The following GUCY2F variants were observed in gnomAD, a reference collection of about 807,000 sequenced individuals.
GUCY2F encodes retinal guanylyl cyclase 2.
GUCY2F carries 61 observed loss-of-function variants against 73.1 expected under a neutral mutation model. That is an observed-to-expected ratio of 0.83 (90% CI 0.68 to 1.03). The LOEUF is 1.03. Among genes scored for constraint, GUCY2F ranks in the 50% least tolerant of loss-of-function variants. GUCY2F has a pLI of 0.00. For missense variants in GUCY2F, 912 were observed against 854.3 expected (o/e 1.07, Z -0.84); for synonymous variants, 331 against 307.8 (o/e 1.08, Z -0.79).
intron 1 of GUCY2F, among the ~76,000 whole-genome samples, chrX:109,479,728 CCT>C (rs2147287451): frequency 9.0e-6 from 1 of 111,625 alleles, no homozygotes; most frequent in Non-Finnish European, 1.9e-5. Context: ...GGCCTGGAAT[CCT>C]CTGTCAAGCT....
At chrX:109,387,413 C>T (rs937930480) in intron 15 of GUCY2F, among the ~76,000 whole-genome samples, 4 of 111,643 alleles carry the variant, frequency 3.6e-5, no homozygotes, top group Admixed American at 1.9e-4. Context: ...TTAGATGTGT[C>T]GAGTCTAAGG....
intron 6 of GUCY2F, among the ~76,000 whole-genome samples, chrX:109,443,729 T>C (rs1022577952): frequency 8.9e-6 from 1 of 112,232 alleles, no homozygotes; most frequent in Non-Finnish European, 1.9e-5. Flanking sequence ...CATTTTGATA[T>C]GTTAGAGCTA....
chrX:109,479,906 G>T (rs1327516046), intron 1 of GUCY2F, among the ~76,000 whole-genome samples: 1 of 111,319 alleles, frequency 9.0e-6, no homozygotes, highest in Non-Finnish European at 1.9e-5. Flanking sequence ...AGAGTATAAG[G>T]GCCTGGCCAA....
At chrX:109,465,015 T>G (rs1932434816) in intron 3 of GUCY2F, 127 bp downstream of exon 3, 1 of 486,837 alleles carries the variant, frequency 2.1e-6, no homozygotes, top group Admixed American at 3.5e-5. Context: ...AAGATGTTTT[T>G]AATTTGTCTG....
intron 2 of GUCY2F, among the ~76,000 whole-genome samples, chrX:109,467,333 C>A (rs1441324961): frequency 8.9e-6 from 1 of 111,971 alleles, no homozygotes; most frequent in Non-Finnish European, 1.9e-5. Context: ...TCAGAGGCTT[C>A]GGTTGGCCAG....
chrX:109,417,709 G>A (rs1265087131), intron 8 of GUCY2F, among the ~76,000 whole-genome samples: 1 of 110,652 alleles, frequency 9.0e-6, no homozygotes, highest in African/African-American at 3.3e-5. Flanking sequence ...GCAGAATGGG[G>A]AGATAAAAAG....
chrX:109,477,897 A>T (rs1355213657), intron 1 of GUCY2F, among the ~76,000 whole-genome samples: 2 of 111,879 alleles, frequency 1.8e-5, no homozygotes, highest in Non-Finnish European at 3.8e-5. Context: ...CACAAATAGT[A>T]TGCCCCAACA....
chrX:109,411,815 A>T (rs1931117902), intron 8 of GUCY2F, among the ~76,000 whole-genome samples: 2 of 112,352 alleles, frequency 1.8e-5, no homozygotes, highest in Admixed American at 9.4e-5. Flanking sequence ...AACAAATGAG[A>T]TTACCCAAGG....
chrX:109,398,846 G>T (rs1930773181), intron 10 of GUCY2F, 148 bp from the exon 11 acceptor site: 2 of 478,667 alleles, frequency 4.2e-6, no homozygotes, highest in African/African-American at 2.4e-5. Flanking sequence ...ATCCCCCAGG[G>T]TCTGAATCTA....
Position 109,382,170 on chromosome X carries a change from T to A in GUCY2F, c.3098A>T (p.Gln1033Leu). ...CACTTCATAGCCCTCACTCAGATTT[T>A]GAAGAATTGTAACAGTGCTGAGACT... ...HVSLSTVTIL[Q>L]NLSEGYEVEL... The change falls in exon 17 of 20, where the codon CAA (glutamine) becomes CTA (leucine). Residue 1033 changes from glutamine to leucine, a missense_variant. Coordinates refer to ENST00000218006, the MANE Select transcript of GUCY2F (RefSeq NM_001522.3). The A allele has an allele frequency of 8.4e-7, 1 of 1,188,079 alleles. No homozygotes were observed. The highest frequency in any genetic ancestry group is 1.8e-5 in the South Asian group (1 of 56,326).
intron 14 of GUCY2F, 134 bp downstream of exon 14, chrX:109,391,776 AG>A: frequency 5.6e-6 from 2 of 356,999 alleles, no homozygotes; most frequent in Non-Finnish European, 9.7e-6. Flanking sequence ...TACCAATGGA[AG>A]GGGTGTACTA....
chrX:109,393,732 C>T (rs1603379596), intron 12 of GUCY2F, among the ~76,000 whole-genome samples: 1 of 111,972 alleles, frequency 8.9e-6, no homozygotes, highest in Non-Finnish European at 1.9e-5. Context: ...TTCAATACGC[C>T]TTTTTGGGAC....
At chrX:109,440,731 T>C (rs1931848594) in intron 7 of GUCY2F, among the ~76,000 whole-genome samples, 1 of 112,244 alleles carries the variant, frequency 8.9e-6, no homozygotes, top group South Asian at 3.7e-4. Flanking sequence ...GCAAGATTTG[T>C]TCTGGTTGCC....
intron 8 of GUCY2F, among the ~76,000 whole-genome samples, chrX:109,417,563 G>A (rs762584382): frequency 9.0e-6 from 1 of 111,249 alleles, no homozygotes; most frequent in African/African-American, 3.2e-5. Flanking sequence ...AGCAAGAAAA[G>A]GGAAACAAAG....
rs747580307 is a variant in GUCY2F, at chrX:109,376,109, A to C, written c.3209T>G (p.Leu1070Arg). The C allele has an allele frequency of 3.3e-6, 4 of 1,205,762 alleles. No individual in the cohort carries two copies. Among genetic ancestry groups the C allele is most frequent in the Non-Finnish European group, 2.2e-6 (2 of 889,677 alleles). Residue 1070 changes from leucine (L) to arginine (R), a missense_variant, in exon 18 of 20, where the codon CTT becomes CGT. By Grantham distance (102) the Leu-to-Arg change is moderately radical. Transcript: ENST00000218006. The part of the protein sequence containing the change: ...LIGKKGFMKP[L>R]PVPPPVDKDG... The stretch of plus-strand genomic sequence containing the variant: ...TTTGTCCACTGGTGGGGGCACAGGA[A>C]GGGGCTTCATGAAGCCTTTTTTCCC...
intron 6 of GUCY2F, among the ~76,000 whole-genome samples, chrX:109,443,721 T>C (rs1040985377): frequency 2.7e-5 from 3 of 112,172 alleles, no homozygotes; most frequent in African/African-American, 6.5e-5. Context: ...ATGTGTATCA[T>C]TTTGATATGT....
intron 3 of GUCY2F, among the ~76,000 whole-genome samples, chrX:109,458,556 G>A (rs1218507537): frequency 9.0e-6 from 1 of 111,126 alleles, no homozygotes; most frequent in East Asian, 2.8e-4. Context: ...CAAGTCCCTT[G>A]TCCTAGTTTT....
intron 3 of GUCY2F, among the ~76,000 whole-genome samples, chrX:109,462,861 C>T (rs1315162782): frequency 8.9e-6 from 1 of 111,787 alleles, no homozygotes; most frequent in African/African-American, 3.3e-5. Flanking sequence ...CCTATAAACA[C>T]ATCAAACAAC....
At chrX:109,449,270 G>T (rs761697086) in intron 5 of GUCY2F, among the ~76,000 whole-genome samples, 1 of 112,114 alleles carries the variant, frequency 8.9e-6, no homozygotes, top group Non-Finnish European at 1.9e-5. Flanking sequence ...TGATTCCACT[G>T]GTTTGTAAAC....
Sources: allele counts gnomAD v4.1 joint callset (sites outside exome capture counted in the v4.1 genomes callset), GRCh38; gene constraint gnomAD v4.1.1; transcripts MANE v1.5; gene names NCBI Gene and HGNC (gene_info 2026-07-23, HGNC 2026-07-21).